TAS2R1: variants seen among roughly 807,000 people sequenced by gnomAD.
TAS2R1 encodes the protein taste 2 receptor member 1, also known as taste receptor type 2 member 1.
For missense variants in TAS2R1, 370 were observed against 353.4 expected, an observed-to-expected ratio of 1.05 and a Z score of -0.38; for synonymous variants, 141 against 134.2, an observed-to-expected ratio of 1.05 and a Z score of -0.35.
At chr5:9,765,474 G>A in the TAS2R1 span, 2 of 150,838 alleles carry the variant, frequency 1.3e-5, no homozygotes, top group African/African-American at 4.9e-5. Context: ...TACATACATT[G>A]GAAGTAGTCA....
At chr5:9,748,052 T>C in the TAS2R1 span, among the ~76,000 whole-genome samples, 3 of 152,092 alleles carry the variant, frequency 2.0e-5, no homozygotes, top group African/African-American at 4.8e-5. Context: ...ATTTTCAATA[T>C]GGTGGAGGAA....
At chr5:9,750,155 TG>T in the TAS2R1 span, among the ~76,000 whole-genome samples, 1 of 152,216 alleles carries the variant, frequency 6.6e-6, no homozygotes, top group African/African-American at 2.4e-5. Flanking sequence ...ACTCACTTCC[TG>T]TGAAATCACA....
At chr5:9,769,633 T>C in the TAS2R1 span, among the ~76,000 whole-genome samples, 70 of 152,358 alleles carry the variant, frequency 4.6e-4, no homozygotes, top group African/African-American at 1.6e-3. Flanking sequence ...TATCTCATTA[T>C]AGTTTTGATT....
chr5:9,708,894 A>G (rs1223064775), intron 1 of TAS2R1, among the ~76,000 whole-genome samples: 1 of 152,148 alleles, frequency 6.6e-6, no homozygotes, highest in Non-Finnish European at 1.5e-5. Flanking sequence ...CAGCCACATC[A>G]AGCATAATAA....
chr5:9,701,847 C>CA (rs1741490447), intron 1 of TAS2R1, among the ~76,000 whole-genome samples: 1 of 152,046 alleles, frequency 6.6e-6, no homozygotes. Flanking sequence ...CCATTTATAA[C>CA]CAAAATTTTG....
At chr5:9,713,470 C>T (rs115908015), upstream of TAS2R1, among the ~76,000 whole-genome samples, 1,042 of 152,116 alleles carry the variant, frequency 6.9e-3, 10 homozygotes, top group African/African-American at 0.024. Context: ...TTATGCGACT[C>T]CCACCCCCCA....
the TAS2R1 span, among the ~76,000 whole-genome samples, chr5:9,851,043 T>C: frequency 6.6e-6 from 1 of 152,138 alleles, no homozygotes; most frequent in African/African-American, 2.4e-5. Context: ...ATTTAAGGCA[T>C]TTTTCAGGAG....
At chr5:9,670,042 AAC>A (rs1334452606) in intron 1 of TAS2R1, among the ~76,000 whole-genome samples, 1 of 152,134 alleles carries the variant, frequency 6.6e-6, no homozygotes. Context: ...GATAAAAATA[AAC>A]ACAATGAGAA....
chr5:9,814,744 A>G, the TAS2R1 span, among the ~76,000 whole-genome samples: 10 of 152,206 alleles, frequency 6.6e-5, no homozygotes, highest in African/African-American at 2.4e-4. Context: ...GAGAAATTAT[A>G]TTTCTTTTGC....
At chr5:9,763,413 G>C in the TAS2R1 span, among the ~76,000 whole-genome samples, 1 of 152,044 alleles carries the variant, frequency 6.6e-6, no homozygotes, top group Non-Finnish European at 1.5e-5. Flanking sequence ...TGAGGCAGGA[G>C]AATTGCTTGA....
At chr5:9,702,139 T>C (rs1171418776) in intron 1 of TAS2R1, among the ~76,000 whole-genome samples, 3 of 152,238 alleles carry the variant, frequency 2.0e-5, no homozygotes, top group Non-Finnish European at 4.4e-5. Context: ...AACCTTGGAA[T>C]ACTCTTCCAA....
chr5:9,824,844 G>GAAA, the TAS2R1 span, among the ~76,000 whole-genome samples: 1,406 of 132,606 alleles, frequency 0.011, 25 homozygotes, highest in African/African-American at 0.023. Flanking sequence ...TGAAAACTCT[G>GAAA]AAAAAAAAAA....
chr5:9,643,846 G>T (rs532210691), intron 2 of TAS2R1, among the ~76,000 whole-genome samples: 36 of 152,262 alleles, frequency 2.4e-4, no homozygotes, highest in African/African-American at 8.7e-4. Flanking sequence ...GTAGAAAGAG[G>T]TGCTATTTTA....
chr5:9,834,561 A>T, the TAS2R1 span, among the ~76,000 whole-genome samples: 2 of 152,192 alleles, frequency 1.3e-5, no homozygotes, highest in African/African-American at 2.4e-5. Flanking sequence ...ATGAAAAAAA[A>T]ATATTTTAAA....
chr5:9,787,526 T>C, the TAS2R1 span, among the ~76,000 whole-genome samples: 15 of 152,334 alleles, frequency 9.8e-5, no homozygotes, highest in Non-Finnish European at 1.9e-4. Flanking sequence ...AAGACTGAAA[T>C]GCCTGGTAAC....
chr5:9,770,854 G>T, the TAS2R1 span, among the ~76,000 whole-genome samples: 1 of 152,166 alleles, frequency 6.6e-6, no homozygotes, highest in South Asian at 2.1e-4. Context: ...GGATAATTTG[G>T]CTTCTTCCTT....
intron 1 of TAS2R1, among the ~76,000 whole-genome samples, chr5:9,663,765 T>C (rs906752044): frequency 6.6e-6 from 1 of 152,178 alleles, no homozygotes; most frequent in Non-Finnish European, 1.5e-5. Context: ...CAAATGTAAT[T>C]AGGTTAAAAA....
the TAS2R1 span, among the ~76,000 whole-genome samples, chr5:9,724,799 T>C: frequency 6.6e-6 from 1 of 152,126 alleles, no homozygotes; most frequent in African/African-American, 2.4e-5. Flanking sequence ...GGGAGCAGAG[T>C]CAGAAAGTGG....
At chr5:9,709,830 C>A (rs1245433951) in intron 1 of TAS2R1, among the ~76,000 whole-genome samples, 1 of 152,214 alleles carries the variant, frequency 6.6e-6, no homozygotes, top group Non-Finnish European at 1.5e-5. Context: ...TAATTCCTTA[C>A]CCATAGAAAA....
Sources: allele counts gnomAD v4.1 joint callset (sites outside exome capture counted in the v4.1 genomes callset), GRCh38; gene constraint gnomAD v4.1.1; transcripts MANE v1.5; gene names NCBI Gene and HGNC (gene_info 2026-07-23, HGNC 2026-07-21).